The following SFXN3 variants were observed in gnomAD, a reference collection of about 807,000 sequenced individuals.
SFXN3 encodes the protein sideroflexin 3.
A neutral mutation model predicts 40.4 loss-of-function variants in SFXN3; 31 were observed. The ratio of observed to expected loss-of-function variants is 0.77; its 90% CI spans 0.58 to 1.04. The LOEUF is 1.04. Among genes scored for constraint, SFXN3 ranks in the 50% least tolerant of loss-of-function variants. The pLI, the probability that SFXN3 is intolerant of heterozygous loss-of-function variation, is 0.00. For synonymous variants in SFXN3, 157 were observed against 160.0 expected (o/e 0.98, Z 0.14); for missense variants, 366 against 408.2 (o/e 0.90, Z 0.89).
intron 4 of SFXN3, 138 bp downstream of exon 4, chr10:101,035,805 G>A: frequency 7.7e-7 from 1 of 1,291,594 alleles, no homozygotes; most frequent in Non-Finnish European, 1.1e-6. Context: ...TTCAGCCTCA[G>A]GAGGTCTCTC....
chr10:101,034,995 T>G lies in SFXN3; in HGVS notation c.161+140T>G, dbSNP rs1162347916. The G allele has an allele frequency of 2.6e-6, 3 of 1,166,214 alleles. No homozygotes were observed. The African/African-American group carries it at 4.6e-5, about 18-fold the overall frequency. 72.2% of individuals were successfully genotyped at this position (1,166,214 alleles called of 1,614,324 possible). On this transcript the variant is annotated intron_variant, in intron 3 of 11. Transcript: ENST00000393459. ...CACTCTCTAGCCCCGTCTGTTGGCA[T>G]CACAGAGCTTTAACCCAAAGGATTT...
chr10:101,037,438 G>A lies in SFXN3; in HGVS notation c.771+7G>A, dbSNP rs772666388. 18 of 1,614,042 alleles carry A rather than the reference G, an allele frequency of 1.1e-5. No homozygotes were observed. The highest frequency in any genetic ancestry group is 2.2e-5 in the South Asian group (2 of 91,082). Reference sequence around the variant, plus strand: ...GAAGAAAGACTTCCTGAAGGTAGGCGACTGTACCTCTCTTGTCCTGGAATG... The same window carrying A: ...GAAGAAAGACTTCCTGAAGGTAGGCAACTGTACCTCTCTTGTCCTGGAATG... On this transcript the variant is annotated splice_region_variant and intron_variant, in intron 9 of 11. Transcript: ENST00000393459.
intron 9 of SFXN3, chr10:101,038,265 GAT>G: frequency 8.6e-7 from 1 of 1,158,418 alleles, no homozygotes; most frequent in Non-Finnish European, 1.1e-6. Context: ...CCGAGGAAGA[GAT>G]GTGCTTGGAA....
Position 101,039,646 on chromosome 10 carries a change from T to C in SFXN3, c.*61T>C. ...GGGCTGCTGCTTTAGTGGAGTCATG[T>C]CACCCCTACCACTTGGCTATCTGCC... On this transcript the variant is annotated 3_prime_UTR_variant, in exon 12 of 12. Transcript: ENST00000393459. The surrounding 1 kb of genome is among the most constrained non-coding windows in gnomAD (Gnocchi z 4.6). 2 of 1,504,786 alleles carry C rather than the reference T, an allele frequency of 1.3e-6. No individual in the cohort carries two copies. 93.2% of individuals were successfully genotyped at this position (1,504,786 alleles called of 1,614,324 possible).
chr10:101,037,548 C>A (rs919976058), intron 9 of SFXN3, 117 bp downstream of exon 9: 14 of 1,598,474 alleles, frequency 8.8e-6, no homozygotes, highest in Admixed American at 6.8e-5. Flanking sequence ...CTTCTCCTGA[C>A]CCCTGCACCG....
intron 10 of SFXN3, 73 bp downstream of exon 10, chr10:101,038,765 G>A: frequency 6.3e-7 from 1 of 1,596,086 alleles, no homozygotes; most frequent in Non-Finnish European, 8.5e-7. Flanking sequence ...GGTATGGATT[G>A]TCTTTAAGAT....
rs746370711 is a variant in SFXN3, at chr10:101,036,754, C to T, written c.539C>T (p.Pro180Leu). 3 of 1,613,694 alleles carry T rather than the reference C, an allele frequency of 1.9e-6. No individual in the cohort carries two copies. In the South Asian group the frequency reaches 3.3e-5, roughly 18 times the overall value. The change falls in exon 7 of 12, where the codon CCC becomes CTC. Residue 180 changes from proline (P) to leucine (L), a missense_variant. Transcript: ENST00000393459. The surrounding 1 kb of genome is among the most constrained non-coding windows in gnomAD (Gnocchi z 4.2). ...CCCCCCTTGGTCGGCAGATTTGTGC[C>T]CTTTGCAGCAGTGGCAGCTGCCAAC...
At chr10:101,032,755 G>A (rs913055613) in intron 2 of SFXN3, among the ~76,000 whole-genome samples, 1 of 152,226 alleles carries the variant, frequency 6.6e-6, no homozygotes, top group African/African-American at 2.4e-5. Context: ...GTATGTCTGG[G>A]CAGGGTGTGC....
Position 101,036,034 on chromosome 10 carries a change from G to A in SFXN3, c.364G>A (p.Val122Met), listed in dbSNP as rs1938582291. 1 of 1,614,132 alleles carries A rather than the reference G, an allele frequency of 6.2e-7. No individual in the cohort carries two copies. The highest frequency in any genetic ancestry group is 8.5e-7 in the Non-Finnish European group (1 of 1,180,010). Reference sequence around the variant, plus strand: ...CCCAACCGTGGTGTTCTGGCAGTGGGTGAATCAGTCCTTCAATGCCATTGT... The same window carrying A: ...CCCAACCGTGGTGTTCTGGCAGTGGATGAATCAGTCCTTCAATGCCATTGT... Residue 122 changes from valine to methionine, a missense_variant, in exon 5 of 12, where the codon GTG (valine) becomes ATG (methionine). Physicochemically the swap from Val to Met is conservative, Grantham distance 21 (BLOSUM62 1). Transcript: ENST00000393459. The surrounding 1 kb of genome is among the most constrained non-coding windows in gnomAD (Gnocchi z 4.2).
At chr10:101,035,284 C>G (rs1300863443) in intron 3 of SFXN3, among the ~76,000 whole-genome samples, 2 of 152,254 alleles carry the variant, frequency 1.3e-5, no homozygotes, top group African/African-American at 4.8e-5. Flanking sequence ...AAGGGTACCC[C>G]TCTTTGTGTG....
Position 101,036,117 on chromosome 10 carries a change from C to T in SFXN3, c.431+16C>T, listed in dbSNP as rs1938587895. Reference sequence around the variant, plus strand: ...TCACTGTGAGGTGAGAGCCAGCCCCCAGCAGCAGCTGCACTGTCCCATCTG... The same window carrying T: ...TCACTGTGAGGTGAGAGCCAGCCCCTAGCAGCAGCTGCACTGTCCCATCTG... On this transcript the variant is annotated intron_variant, in intron 5 of 11. Transcript: ENST00000393459. The surrounding 1 kb of genome is among the most constrained non-coding windows in gnomAD (Gnocchi z 4.2). The T allele has an allele frequency of 5.0e-6, 8 of 1,599,326 alleles. No homozygotes were observed. In the East Asian group the frequency reaches 8.9e-5, roughly 18 times the overall value.
chr10:101,038,235 A>G, intron 9 of SFXN3: 2 of 1,102,154 alleles, frequency 1.8e-6, no homozygotes, highest in Non-Finnish European at 2.2e-6. Context: ...CCCTGTGGCC[A>G]GAGCAAATTG....
At chr10:101,037,652 A>C in intron 9 of SFXN3, 1 of 1,433,818 alleles carries the variant, frequency 7.0e-7, no homozygotes, top group Non-Finnish European at 9.1e-7. Flanking sequence ...AAGGAAACCA[A>C]CTTCATCAGT....
intron 10 of SFXN3, among the ~76,000 whole-genome samples, chr10:101,038,950 A>G (rs1004573890): frequency 2.0e-5 from 3 of 152,128 alleles, no homozygotes; most frequent in African/African-American, 7.2e-5. Context: ...GGTGCCATCC[A>G]GGAGATTCAT....
exon 4 of SFXN3, chr10:101,035,607 G>T (rs767170184): frequency 6.2e-7 from 1 of 1,614,064 alleles, no homozygotes; most frequent in Non-Finnish European, 8.5e-7. Context: ...CTGATTGGCC[G>T]CATGTCAGCC....
intron 2 of SFXN3, among the ~76,000 whole-genome samples, chr10:101,033,952 A>G (rs999155281): frequency 2.0e-5 from 3 of 152,056 alleles, no homozygotes; most frequent in Admixed American, 2.0e-4. Flanking sequence ...ACCTCCCACC[A>G]TAGGGCGGTT....
chr10:101,034,588 CTGA>C, intron 2 of SFXN3, 101 bp from the exon 3 acceptor site: 5 of 1,227,416 alleles, frequency 4.1e-6, no homozygotes, highest in Non-Finnish European at 5.8e-6. Context: ...CTTGAAGGGA[CTGA>C]TGATAAGCTC....
At chr10:101,033,597 A>C (rs932774320) in intron 2 of SFXN3, among the ~76,000 whole-genome samples, 1 of 152,202 alleles carries the variant, frequency 6.6e-6, no homozygotes, top group African/African-American at 2.4e-5. Flanking sequence ...AGAGACTGAG[A>C]AAAGAAATAA....
chr10:101,033,930 C>A (rs535322048), intron 2 of SFXN3, among the ~76,000 whole-genome samples: 1 of 152,142 alleles, frequency 6.6e-6, no homozygotes, highest in Non-Finnish European at 1.5e-5. Context: ...AGCATTACTG[C>A]AAACATATCT....
Sources: allele counts gnomAD v4.1 joint callset (sites outside exome capture counted in the v4.1 genomes callset), GRCh38; gene constraint gnomAD v4.1.1; non-coding constraint Gnocchi (gnomAD v3.1); transcripts MANE v1.5; gene names NCBI Gene and HGNC (gene_info 2026-07-23, HGNC 2026-07-21).